The following DLGAP2 variants were observed in gnomAD, a reference collection of about 807,000 sequenced individuals.
DLGAP2 encodes the protein disks large-associated protein 2.
Under a neutral mutation model 100.3 loss-of-function variants are expected in DLGAP2, and 26 were observed. The observed-to-expected ratio is 0.26, with a 90% CI of 0.19 to 0.36. The LOEUF (loss-of-function observed/expected upper bound fraction) is 0.36. Among genes scored for constraint, DLGAP2 ranks in the 10% least tolerant of loss-of-function variants. DLGAP2 has a pLI of 1.00. For missense variants in DLGAP2, 1,858 were observed against 1,453.2 expected, an observed-to-expected ratio of 1.28 and a Z score of -4.53; for synonymous variants, 886 against 630.1, an observed-to-expected ratio of 1.41 and a Z score of -6.08.
intron 14 of DLGAP2, 76 bp from the exon 15 acceptor site, chr8:1,701,112 C>A (rs186521284): frequency 1.4e-6 from 2 of 1,405,700 alleles, no homozygotes; most frequent in African/African-American, 2.9e-5. Context: ...AGGCCAGGCC[C>A]CAGGGCCGCT....
chr8:1,156,812 AT>A (rs940892625), intron 2 of DLGAP2, among the ~76,000 whole-genome samples: 3 of 152,046 alleles, frequency 2.0e-5, no homozygotes, highest in Non-Finnish European at 4.4e-5. Context: ...CCCAGGTGGC[AT>A]TTTTCATCCA....
At chr8:1,156,450 G>A (rs1796788602) in intron 2 of DLGAP2, among the ~76,000 whole-genome samples, 1 of 152,206 alleles carries the variant, frequency 6.6e-6, no homozygotes, top group Non-Finnish European at 1.5e-5. Flanking sequence ...CACGGTGCCA[G>A]GCCACACGCT....
At chr8:1,189,351 G>C (rs906273242) in intron 2 of DLGAP2, among the ~76,000 whole-genome samples, 1 of 152,260 alleles carries the variant, frequency 6.6e-6, no homozygotes, top group Non-Finnish European at 1.5e-5. Context: ...CATCCAGCAG[G>C]AAGATAGGTC....
rs185400836 is a variant in DLGAP2, at chr8:1,683,043, C to T, written c.2704+4414C>T. The stretch of plus-strand genomic sequence containing the variant: ...ACTTACGACGAAGCAAGCCACTCTC[C>T]GATAGACAAAAATGATGCAACAATG... On this transcript the variant is annotated intron_variant, in intron 12 of 14. Coordinates refer to ENST00000637795, the MANE Select transcript of DLGAP2 (RefSeq NM_001346810.2). 1.8e-4 allele frequency among the ~76,000 whole-genome samples: 28 copies of T among 151,460 alleles called. 1 individual carries two copies. The East Asian group carries it at 1.9e-3, about 10-fold the overall frequency.
Position 1,468,274 on chromosome 8 carries a change from G to A in DLGAP2, c.107-33092G>A, listed in dbSNP as rs562971109. On this transcript the variant is annotated intron_variant, in intron 3 of 14. Coordinates refer to ENST00000637795, the MANE Select transcript of DLGAP2 (RefSeq NM_001346810.2). Reference sequence around the variant, plus strand: ...TGCCCTGTTCACACAGCGTAGATCCGGGCTGGTCCTGAGTCCCCAGCAGCC... The same window carrying A: ...TGCCCTGTTCACACAGCGTAGATCCAGGCTGGTCCTGAGTCCCCAGCAGCC... Among the ~76,000 whole-genome samples the A allele has an allele frequency of 1.9e-4, 29 of 151,280 alleles. No homozygotes were observed. In the South Asian group the frequency reaches 4.2e-3, roughly 22 times the overall value.
chr8:1,126,352 G>A (rs1796164860), intron 2 of DLGAP2, among the ~76,000 whole-genome samples: 1 of 151,752 alleles, frequency 6.6e-6, no homozygotes, highest in Non-Finnish European at 1.5e-5. Flanking sequence ...AGGCAGATGA[G>A]GAGGGAGGCA....
At chr8:1,060,183 C>T (rs1195403900) in intron 2 of DLGAP2, among the ~76,000 whole-genome samples, 3 of 152,260 alleles carry the variant, frequency 2.0e-5, no homozygotes, top group South Asian at 2.1e-4. Context: ...CCGTGGCCAC[C>T]GTCATGAAGA....
chr8:1,678,247 G>C lies in DLGAP2; in HGVS notation c.2322G>C (p.Thr774=). The C allele has an allele frequency of 6.2e-7, 1 of 1,613,616 alleles. No individual in the cohort carries two copies. Among genetic ancestry groups the C allele is most frequent in the Non-Finnish European group, 8.5e-7 (1 of 1,179,718 alleles). Residue 774 remains threonine, a synonymous_variant, in exon 12 of 15, where the codon ACG becomes ACC. Coordinates refer to ENST00000637795, the MANE Select transcript of DLGAP2 (RefSeq NM_001346810.2). ...HGRFKRSNSV[T]AAVQADLELE... ...GTTTTAAACGTTCTAACAGCGTCAC[G>C]GCCGCCGTCCAAGCTGACCTGGAGC...
chr8:811,857 C>T (rs576051369), intron 1 of DLGAP2, among the ~76,000 whole-genome samples: 3 of 152,394 alleles, frequency 2.0e-5, no homozygotes, highest in South Asian at 2.1e-4. Context: ...AGCCATGGGA[C>T]CAAACTGACT....
chr8:1,689,384 T>A (rs533986270), intron 12 of DLGAP2, among the ~76,000 whole-genome samples: 2 of 152,180 alleles, frequency 1.3e-5, no homozygotes, highest in Non-Finnish European at 2.9e-5. Flanking sequence ...CACATCGGTA[T>A]TCCCTTGTGA....
At chr8:779,385 T>C (rs1376629577) in intron 1 of DLGAP2, among the ~76,000 whole-genome samples, 3 of 151,974 alleles carry the variant, frequency 2.0e-5, no homozygotes, top group Non-Finnish European at 2.9e-5. Flanking sequence ...ACTTCTTTAT[T>C]CCAAATGCAC....
intron 1 of DLGAP2, among the ~76,000 whole-genome samples, chr8:785,221 CAAAAAAAAAAAAAAA>C (rs55781731): frequency 8.2e-5 from 5 of 60,818 alleles, no homozygotes; most frequent in South Asian, 7.7e-4. Context: ...GACTCCGCCT[CAAAAAAAAAAAAAAA>C]AAAAAAAAAA....
intron 2 of DLGAP2, among the ~76,000 whole-genome samples, chr8:1,255,680 G>A (rs1320241796): frequency 3.0e-5 from 4 of 135,172 alleles, no homozygotes; most frequent in African/African-American, 1.3e-4. Context: ...TCCTGCCTGG[G>A]AGCTGTGTGT....
intron 11 of DLGAP2, among the ~76,000 whole-genome samples, chr8:1,677,228 G>C (rs1182061342): frequency 2.6e-5 from 4 of 152,170 alleles, no homozygotes; most frequent in Non-Finnish European, 5.9e-5. Context: ...TCATCAGGGA[G>C]CGTTTTAGCA....
intron 3 of DLGAP2, among the ~76,000 whole-genome samples, chr8:1,359,139 C>G (rs1801920089): frequency 1.3e-5 from 2 of 152,132 alleles, no homozygotes; most frequent in African/African-American, 4.8e-5. Context: ...GAGAACCACC[C>G]CTCTAGGCCA....
At chr8:983,465 C>G (rs1035961571) in intron 2 of DLGAP2, among the ~76,000 whole-genome samples, 1 of 152,162 alleles carries the variant, frequency 6.6e-6, no homozygotes, top group African/African-American at 2.4e-5. Flanking sequence ...TTCTTCTATC[C>G]CTTAGAATCC....
intron 2 of DLGAP2, among the ~76,000 whole-genome samples, chr8:1,143,771 C>T (rs535944115): frequency 1.3e-5 from 2 of 152,240 alleles, no homozygotes; most frequent in Non-Finnish European, 2.9e-5. Context: ...CCAACAGTCA[C>T]CAGCACCTCT....
intron 2 of DLGAP2, among the ~76,000 whole-genome samples, chr8:1,024,902 A>G (rs576623394): frequency 3.3e-5 from 5 of 152,284 alleles, no homozygotes; most frequent in Non-Finnish European, 2.9e-5. Context: ...GGAAGCTGGG[A>G]TAGAACCTTG....
At chr8:787,230 A>C (rs1821891699) in intron 1 of DLGAP2, among the ~76,000 whole-genome samples, 1 of 152,000 alleles carries the variant, frequency 6.6e-6, no homozygotes, top group South Asian at 2.1e-4. Flanking sequence ...TCCTGTCTCA[A>C]TCGCTCGTGT....
Sources: gnomAD v4.1 joint callset for allele counts (sites outside exome capture counted in the v4.1 genomes callset) on GRCh38, gnomAD v4.1.1 for gene constraint, MANE v1.5 for transcripts, NCBI Gene and HGNC (gene_info 2026-07-23, HGNC 2026-07-21) for gene names.